Variants in SIRPB1 observed in about 807,000 individuals in gnomAD.
SIRPB1 encodes the protein signal-regulatory protein beta-1.
In SIRPB1, 28 loss-of-function variants were observed where a neutral mutation model predicts 34.1. The observed-to-expected ratio is 0.82, with a 90% CI of 0.61 to 1.12. The LOEUF is 1.12. SIRPB1 is among the 50% of genes most tolerant of loss of function. The probability of loss-of-function intolerance (pLI) is 0.00; values close to 1 mark genes in which losing one functional copy is unlikely to be tolerated. For missense variants in SIRPB1, 499 were observed against 507.0 expected (o/e 0.98, Z 0.15); for synonymous variants, 211 against 203.8 (o/e 1.04, Z -0.30).
At chr20:1,572,270 C>G (rs1202088980) in intron 2 of SIRPB1, among the ~76,000 whole-genome samples, 1 of 152,104 alleles carries the variant, frequency 6.6e-6, no homozygotes, top group Non-Finnish European at 1.5e-5. Flanking sequence ...GAAGTCCAGG[C>G]CTGAGTTCAA....
chr20:1,618,791 G>C (rs918442127), intron 1 of SIRPB1, among the ~76,000 whole-genome samples: 3 of 152,134 alleles, frequency 2.0e-5, no homozygotes, highest in Non-Finnish European at 2.9e-5. Context: ...ACCAGGAAAG[G>C]CCCTCCAATC....
At chr20:1,618,221 A>G (rs1568712814) in intron 1 of SIRPB1, among the ~76,000 whole-genome samples, 3 of 152,236 alleles carry the variant, frequency 2.0e-5, no homozygotes, top group Admixed American at 2.0e-4. Flanking sequence ...TACATACATC[A>G]CAGTTGTAAC....
At chr20:1,619,543 G>T (rs2091677643) in intron 1 of SIRPB1, among the ~76,000 whole-genome samples, 1 of 152,228 alleles carries the variant, frequency 6.6e-6, no homozygotes, top group Non-Finnish European at 1.5e-5. Context: ...TTACTCTGTG[G>T]ACTTGGGCAT....
rs2317867 is a variant in SIRPB1, at chr20:1,604,256, T to G, written c.76+15613A>C. 104 of 294,460 alleles carry G rather than the reference T, an allele frequency of 3.5e-4. 44 individuals are homozygous for G. The Admixed American group carries it at 3.6e-3, about 10-fold the overall frequency. 18.2% of individuals were successfully genotyped at this position (294,460 alleles called of 1,614,324 possible). On this transcript the variant is annotated intron_variant, in intron 1 of 5. Coordinates refer to ENST00000381605, the MANE Select transcript of SIRPB1 (RefSeq NM_006065.5). Reference sequence around the variant, plus strand: ...GGCATCACCAGGACAGTGCTAGGCATGCAGCAGGTGCTCAGACATTGAGGG... The same window carrying G: ...GGCATCACCAGGACAGTGCTAGGCAGGCAGCAGGTGCTCAGACATTGAGGG...
At chr20:1,569,748 T>A (rs1362668450) in intron 4 of SIRPB1, among the ~76,000 whole-genome samples, 1 of 152,090 alleles carries the variant, frequency 6.6e-6, no homozygotes, top group East Asian at 1.9e-4. Context: ...TCACAAAGGA[T>A]GTTGAATGTC....
rs1488843526 is a variant in SIRPB1 at position 1,611,814 on chromosome 20, G to T, written c.76+8055C>A. ...CTTTCATTGACCGGGTGCACACCAG[G>T]AAAAGGCCTTGAGCTCAGCACACTA... On this transcript the variant is annotated intron_variant, in intron 1 of 5. Transcript: ENST00000381605. 8.2e-6 allele frequency: 4 copies of T among 487,532 alleles called. 1 individual carries two copies. The African/African-American group carries it at 2.4e-4, about 29-fold the overall frequency. The allele number at this position is 487,532 out of a possible 1,614,324, so 30.2% of individuals were successfully genotyped here.
chr20:1,618,321 C>A (rs368066338), intron 1 of SIRPB1, among the ~76,000 whole-genome samples: 1 of 152,172 alleles, frequency 6.6e-6, no homozygotes, highest in Non-Finnish European at 1.5e-5. Context: ...TAGCATAACA[C>A]GACTAAAAGA....
chr20:1,580,825 A>G (rs1239003141), intron 1 of SIRPB1, among the ~76,000 whole-genome samples: 1 of 49,402 alleles, frequency 2.0e-5, no homozygotes, highest in Non-Finnish European at 3.9e-5. Context: ...ACAGGAATCT[A>G]CAAATTGAAG....
chr20:1,572,021 G>C lies in SIRPB1; in HGVS notation c.450C>G (p.Pro150=), dbSNP rs746821087. 8 of 1,613,968 alleles carry C rather than the reference G, an allele frequency of 5.0e-6. No individual in the cohort carries two copies. The highest frequency in any genetic ancestry group is 1.7e-4 in the Middle Eastern group (1 of 6,004). ...CCCTCACCGCAGGGCCCGATACCAC[G>C]GGGGCAGAGGGTTTGGCTACAAAAG... The part of the protein sequence containing the change: ...ELSVRAKPSA[P]VVSGPAVRAT... Residue 150 remains proline (P), a synonymous_variant, in exon 3 of 6, where the codon CCC becomes CCG. Transcript: ENST00000381605.
chr20:1,562,468 A>G lies in SIRPB1; in HGVS notation c.*3032T>C, dbSNP rs1036750514. Among the ~76,000 whole-genome samples the G allele has an allele frequency of 6.6e-6, 1 of 150,692 alleles. No individual in the cohort carries two copies. Among genetic ancestry groups the G allele is most frequent in the Non-Finnish European group, 1.5e-5 (1 of 67,734 alleles). ...CCCAACCCCCCACGATATAACTGACATTCCATTTGCGTAACATAGATAAAT... is the reference window on the plus strand; with the variant it reads ...CCCAACCCCCCACGATATAACTGACGTTCCATTTGCGTAACATAGATAAAT... On this transcript the variant is annotated 3_prime_UTR_variant, in exon 6 of 6. Transcript: ENST00000381605.
rs2091087904 is a variant in SIRPB1 at position 1,562,182 on chromosome 20, A to G, written c.*3318T>C. ...GGGTTGACTTTTTTTTCTTGTTAGCACTTTCTTACTTTCTAGAGGATGTTG... is the reference window on the plus strand; with the variant it reads ...GGGTTGACTTTTTTTTCTTGTTAGCGCTTTCTTACTTTCTAGAGGATGTTG... On this transcript the variant is annotated 3_prime_UTR_variant, in exon 6 of 6. Transcript: ENST00000381605. 6.6e-6 allele frequency among the ~76,000 whole-genome samples: 1 copy of G among 151,880 alleles called. No individual in the cohort carries two copies. Among genetic ancestry groups the G allele is most frequent in the African/African-American group, 2.4e-5 (1 of 41,316 alleles).
chr20:1,571,666 G>A, intron 3 of SIRPB1, 54 bp downstream of exon 3: 2 of 1,611,996 alleles, frequency 1.2e-6, no homozygotes, highest in Non-Finnish European at 1.7e-6. Flanking sequence ...TGGGGAGAGG[G>A]GAGTGGGCTT....
chr20:1,570,870 AC>A lies in SIRPB1; in HGVS notation c.1018del (p.Val340SerfsTer34). The A allele has an allele frequency of 6.2e-7, 1 of 1,614,172 alleles. No individual in the cohort carries two copies. Among genetic ancestry groups the A allele is most frequent in the East Asian group, 2.2e-5 (1 of 44,886 alleles). The stretch of plus-strand genomic sequence containing the variant: ...GATCTCCAGGGCATAGCTTTTGCTG[AC>A]TGCTTGCTGCCCATCATGCTCCACC... Reference protein sequence around the residue: ...CQVEHDGQQAVSKSYALEISA... With the variant: ...CQVEHDGQQAXSKSYALEISA... On this transcript the variant is annotated frameshift_variant, in exon 4 of 6. Transcript: ENST00000381605. LOFTEE classifies it high-confidence loss of function.
intron 4 of SIRPB1, among the ~76,000 whole-genome samples, chr20:1,566,612 G>T (rs549365414): frequency 2.6e-4 from 39 of 152,278 alleles, no homozygotes; most frequent in African/African-American, 8.2e-4. Context: ...GGGAAACTGA[G>T]GCCAGAGAGT....
chr20:1,571,697 G>A lies in SIRPB1; in HGVS notation c.751+23C>T, dbSNP rs181352082. Reference sequence around the variant, plus strand: ...GGCTTGGCAGCCAGGTGTGGGCTTGGGCTGGGTGTGAGGGTCTTCTACCTC... The same window carrying A: ...GGCTTGGCAGCCAGGTGTGGGCTTGAGCTGGGTGTGAGGGTCTTCTACCTC... On this transcript the variant is annotated intron_variant, in intron 3 of 5. Transcript: ENST00000381605. The A allele has an allele frequency of 2.1e-5, 34 of 1,611,422 alleles. No individual in the cohort carries two copies. In the African/African-American group the frequency reaches 4.3e-4, roughly 20 times the overall value.
At chr20:1,567,522 C>T (rs559161622) in intron 4 of SIRPB1, among the ~76,000 whole-genome samples, 6 of 152,152 alleles carry the variant, frequency 3.9e-5, no homozygotes, top group Admixed American at 2.6e-4. Flanking sequence ...CAGGTGGCCT[C>T]CCAGAGAAAC....
Position 1,572,013 on chromosome 20 carries a change from G to T in SIRPB1, c.458C>A (p.Ser153Ter), listed in dbSNP as rs150061145. 6.2e-7 allele frequency: 1 copy of T among 1,613,958 alleles called. No homozygotes were observed. Among genetic ancestry groups the T allele is most frequent in the African/African-American group, 1.3e-5 (1 of 75,034 alleles). ...VRAKPSAPVV[S>*]GPAVRATPEH... ...AGGTGTGGCCCTCACCGCAGGGCCC[G>T]ATACCACGGGGGCAGAGGGTTTGGC... is the stretch of plus-strand genomic sequence containing the variant. The change falls in exon 3 of 6, where the codon TCG (serine) becomes TAG (stop). Residue 153 changes from serine (S) to a stop codon, truncating the protein, a stop_gained. Transcript: ENST00000381605. LOFTEE classifies it high-confidence loss of function.
chr20:1,599,592 A>T lies in SIRPB1; in HGVS notation c.76+20277T>A, dbSNP rs2091468409. Among the ~76,000 whole-genome samples, 2 of 49,010 alleles carry T rather than the reference A, an allele frequency of 4.1e-5. 1 individual carries two copies. The highest frequency in any genetic ancestry group is 7.9e-5 in the Non-Finnish European group (2 of 25,322). The allele number at this position is 49,010 out of a possible 152,430, so 32.2% of individuals were successfully genotyped here. On this transcript the variant is annotated intron_variant, in intron 1 of 5. Transcript: ENST00000381605. Reference sequence around the variant, plus strand: ...CCTCACCAGACATTCCCTGCAGGGCAAGTTCTTCTGTATACTCCAAGACAG... The same window carrying T: ...CCTCACCAGACATTCCCTGCAGGGCTAGTTCTTCTGTATACTCCAAGACAG...
rs1190304112 is a variant in SIRPB1, at chr20:1,612,121, A to G, written c.76+7748T>C. ...GTGATCCTTTCTCCTTGGCCTCCCAAGTAGCTGGGACCACAGGTGCGTTCC... is the reference window on the plus strand; with the variant it reads ...GTGATCCTTTCTCCTTGGCCTCCCAGGTAGCTGGGACCACAGGTGCGTTCC... On this transcript the variant is annotated intron_variant, in intron 1 of 5. Coordinates refer to ENST00000381605, the MANE Select transcript of SIRPB1 (RefSeq NM_006065.5). Among the ~76,000 whole-genome samples, 6 of 70,836 alleles carry G rather than the reference A, an allele frequency of 8.5e-5. 3 individuals are homozygous for G. Among genetic ancestry groups the G allele is most frequent in the Non-Finnish European group, 1.6e-4 (6 of 38,000 alleles). 46.5% of individuals were successfully genotyped at this position (70,836 alleles called of 152,430 possible).
Sources: gnomAD v4.1 joint callset for allele counts (sites outside exome capture counted in the v4.1 genomes callset) on GRCh38, gnomAD v4.1.1 for gene constraint, MANE v1.5 for transcripts, NCBI Gene and HGNC (gene_info 2026-07-23, HGNC 2026-07-21) for gene names.